The following CLIC5 variants were observed in gnomAD, a reference collection of about 807,000 sequenced individuals.
CLIC5 encodes the protein chloride intracellular channel protein 5.
A neutral mutation model predicts 24.7 loss-of-function variants in CLIC5; 20 were observed. The ratio of observed to expected loss-of-function variants is 0.81; its 90% CI spans 0.57 to 1.18. The LOEUF (loss-of-function observed/expected upper bound fraction) is 1.18, where lower values mean the gene tolerates loss of function less well. Among genes scored for constraint, CLIC5 ranks in the 50% most tolerant of loss-of-function variants. CLIC5 has a pLI of 0.00. For missense variants in CLIC5, 341 were observed against 326.1 expected (o/e 1.05, Z -0.35); for synonymous variants, 159 against 135.6 (o/e 1.17, Z -1.20).
chr6:45,934,366 A>G (rs964638017), intron 4 of CLIC5: 1 of 152,200 alleles, frequency 6.6e-6, no homozygotes, highest in African/African-American at 2.4e-5. Context: ...TAAAATAGAA[A>G]GAAGGCCCCC....
chr6:45,976,326 T>A (rs1399170076), intron 1 of CLIC5, among the ~76,000 whole-genome samples: 1 of 152,128 alleles, frequency 6.6e-6, no homozygotes, highest in Non-Finnish European at 1.5e-5. Context: ...CTTGGTAGAT[T>A]TGTTTTTTGT....
chr6:45,951,669 C>T (rs540405140), intron 2 of CLIC5, among the ~76,000 whole-genome samples: 9 of 152,222 alleles, frequency 5.9e-5, no homozygotes, highest in East Asian at 1.9e-4. Context: ...AAAATGGTGG[C>T]GACTTCCAAG....
At chr6:46,108,730 T>A in the CLIC5 span, among the ~76,000 whole-genome samples, 1 of 152,062 alleles carries the variant, frequency 6.6e-6, no homozygotes, top group African/African-American at 2.4e-5. Context: ...AAAAGCTGAG[T>A]CTCCTGTCAC....
intron 1 of CLIC5, among the ~76,000 whole-genome samples, chr6:46,021,707 T>A (rs927283672): frequency 6.6e-6 from 1 of 152,250 alleles, no homozygotes; most frequent in African/African-American, 2.4e-5. Flanking sequence ...CTGTATGGTT[T>A]CATTTACATG....
At chr6:45,987,022 C>G (rs529880252) in intron 1 of CLIC5, among the ~76,000 whole-genome samples, 1 of 152,278 alleles carries the variant, frequency 6.6e-6, no homozygotes, top group Admixed American at 6.5e-5. Context: ...CAGTGTGCCT[C>G]TTGTGTTGCC....
At chr6:46,023,636 C>G (rs751748000) in intron 1 of CLIC5, among the ~76,000 whole-genome samples, 1 of 151,952 alleles carries the variant, frequency 6.6e-6, no homozygotes. Flanking sequence ...AGATGGCACA[C>G]AAAAATTAAA....
intron 1 of CLIC5, among the ~76,000 whole-genome samples, chr6:46,013,372 G>C (rs1374015425): frequency 6.6e-6 from 1 of 152,198 alleles, no homozygotes; most frequent in Non-Finnish European, 1.5e-5. Flanking sequence ...TTCAAGTAAG[G>C]CCTGGGCAGC....
chr6:46,107,690 T>G, the CLIC5 span, among the ~76,000 whole-genome samples: 1 of 152,124 alleles, frequency 6.6e-6, no homozygotes, highest in South Asian at 2.1e-4. Context: ...TTGGTTAGTT[T>G]AGAGGATTTT....
At chr6:46,056,577 T>A (rs1461791175) in intron 1 of CLIC5, among the ~76,000 whole-genome samples, 1 of 152,150 alleles carries the variant, frequency 6.6e-6, no homozygotes, top group Non-Finnish European at 1.5e-5. Context: ...AGTGATGCCA[T>A]ATTGGTAGCT....
chr6:45,891,245 C>A (rs920299966), intron 6 of CLIC5, among the ~76,000 whole-genome samples: 4 of 151,970 alleles, frequency 2.6e-5, no homozygotes, highest in Admixed American at 1.3e-4. Context: ...AAAGAAATTA[C>A]CAAAAAGAAC....
At chr6:46,110,954 C>T in the CLIC5 span, among the ~76,000 whole-genome samples, 5 of 152,178 alleles carry the variant, frequency 3.3e-5, no homozygotes, top group African/African-American at 4.8e-5. Context: ...CTATTCCTTA[C>T]GCTTGGTAGA....
chr6:46,030,495 C>A (rs1277561094), intron 1 of CLIC5, among the ~76,000 whole-genome samples: 3 of 152,156 alleles, frequency 2.0e-5, no homozygotes, highest in South Asian at 4.1e-4. Flanking sequence ...CCAGGACATG[C>A]CATCTACAAT....
intron 5 of CLIC5, chr6:45,913,937 A>G (rs1223023382): frequency 5.1e-6 from 3 of 585,864 alleles, no homozygotes; most frequent in African/African-American, 3.8e-5. Flanking sequence ...GATAATTGCG[A>G]CTATTACACA....
At chr6:46,112,966 G>C in the CLIC5 span, among the ~76,000 whole-genome samples, 5 of 152,128 alleles carry the variant, frequency 3.3e-5, no homozygotes, top group Admixed American at 3.3e-4. Context: ...CTAGGCAGGA[G>C]AATCACTTGA....
intron 1 of CLIC5, among the ~76,000 whole-genome samples, chr6:46,027,873 G>A (rs1224091500): frequency 6.6e-6 from 1 of 152,052 alleles, no homozygotes; most frequent in Non-Finnish European, 1.5e-5. Context: ...GTGATTTTAT[G>A]CTTTTTAAAA....
intron 1 of CLIC5, among the ~76,000 whole-genome samples, chr6:45,980,831 G>T (rs560671801): frequency 2.0e-5 from 3 of 152,186 alleles, no homozygotes; most frequent in East Asian, 3.9e-4. Context: ...CCAAGAAATT[G>T]TCTTCTTCCA....
chr6:46,008,104 C>T (rs1053427567), intron 1 of CLIC5, among the ~76,000 whole-genome samples: 1 of 152,080 alleles, frequency 6.6e-6, no homozygotes, highest in Non-Finnish European at 1.5e-5. Flanking sequence ...CCAAGTCAAT[C>T]TCCTATTGTG....
chr6:45,928,793 T>C (rs1002380103), intron 4 of CLIC5, among the ~76,000 whole-genome samples: 1 of 149,592 alleles, frequency 6.7e-6, no homozygotes, highest in Non-Finnish European at 1.5e-5. Context: ...TGTGTGTGTG[T>C]GTAGAGAGAG....
intron 1 of CLIC5, among the ~76,000 whole-genome samples, chr6:46,057,814 A>G (rs9395148): frequency 0.057 from 8,672 of 152,282 alleles, 345 homozygotes; most frequent in Admixed American, 0.12. Context: ...GTCCCAGTTC[A>G]TGACAGCCAG....
Sources: gnomAD v4.1 joint callset for allele counts (sites outside exome capture counted in the v4.1 genomes callset) on GRCh38, gnomAD v4.1.1 for gene constraint, MANE v1.5 for transcripts, NCBI Gene and HGNC (gene_info 2026-07-23, HGNC 2026-07-21) for gene names.